PCDH11Y: variants seen among roughly 807,000 people sequenced by gnomAD.
PCDH11Y encodes the protein protocadherin-11 Y-linked.
For missense variants in PCDH11Y, 12 were observed against 224.8 expected, an observed-to-expected ratio of 0.05 and a Z score of 6.05; for synonymous variants, 9 against 83.6, an observed-to-expected ratio of 0.11 and a Z score of 4.87.
intron 4 of PCDH11Y, among the ~76,000 whole-genome samples, chrY:5,724,790 G>C (rs2556823): frequency 3.0e-5 from 1 of 33,671 alleles, no homozygotes; most frequent in East Asian, 7.9e-4. Context: ...ATAAAATGCT[G>C]AGAAATAAAT....
chrY:5,127,034 T>A, intron 2 of PCDH11Y, among the ~76,000 whole-genome samples: 3 of 32,302 alleles, frequency 9.3e-5, no homozygotes, highest in Non-Finnish European at 1.5e-4. Flanking sequence ...GTTTTAGACA[T>A]TTCATTTACA....
chrY:5,171,787 G>A (rs2571813), intron 2 of PCDH11Y, among the ~76,000 whole-genome samples: 1 of 33,042 alleles, frequency 3.0e-5, no homozygotes, highest in Non-Finnish European at 7.5e-5. Context: ...AGCAAAAGAA[G>A]AATTTGTGTT....
intron 2 of PCDH11Y, among the ~76,000 whole-genome samples, chrY:5,342,536 G>A (rs2053146611): frequency 3.0e-5 from 1 of 33,387 alleles, no homozygotes. Flanking sequence ...AATTAGAGCC[G>A]GGCTGTATAA....
At chrY:5,241,196 G>T in intron 2 of PCDH11Y, among the ~76,000 whole-genome samples, 7 of 31,203 alleles carry the variant, frequency 2.2e-4, no homozygotes, top group Non-Finnish European at 3.8e-4. Flanking sequence ...ATTGAAGAGT[G>T]TTAGGAACTT....
chrY:5,687,831 A>G, intron 4 of PCDH11Y, among the ~76,000 whole-genome samples: 1 of 32,541 alleles, frequency 3.1e-5, no homozygotes, highest in African/African-American at 1.2e-4. Context: ...TTCGAAGGCT[A>G]TATTTAAATA....
chrY:5,394,318 G>C, intron 2 of PCDH11Y, among the ~76,000 whole-genome samples: 1 of 34,828 alleles, frequency 2.9e-5, no homozygotes, highest in Non-Finnish European at 7.2e-5. Flanking sequence ...GACAAAACCC[G>C]AGGATTTTAA....
intron 4 of PCDH11Y, among the ~76,000 whole-genome samples, chrY:5,693,238 T>C: frequency 8.0e-5 from 2 of 25,049 alleles, no homozygotes; most frequent in African/African-American, 1.5e-4. Context: ...CTTTGTGAGA[T>C]AGGAATCCTT....
chrY:5,117,565 T>C (rs1602870707), intron 2 of PCDH11Y, among the ~76,000 whole-genome samples: 1 of 32,245 alleles, frequency 3.1e-5, no homozygotes, highest in African/African-American at 1.2e-4. Flanking sequence ...ATCAAAACTA[T>C]GGATTCTCTC....
At chrY:5,096,438 CGTGTGTGTGTGTGTGT>C (rs367616063) in intron 1 of PCDH11Y, among the ~76,000 whole-genome samples, 2 of 19,761 alleles carry the variant, frequency 1.0e-4, no homozygotes, top group African/African-American at 3.9e-4. Context: ...TTTAGATGTA[CGTGTGTGTGTGTGTGT>C]GTGTGTGTGT....
At chrY:5,293,586 G>C in intron 2 of PCDH11Y, among the ~76,000 whole-genome samples, 2 of 32,241 alleles carry the variant, frequency 6.2e-5, no homozygotes, top group African/African-American at 1.2e-4. Flanking sequence ...AGTTCCATTT[G>C]TTCTACTATG....
chrY:5,455,831 G>A (rs2053297605), intron 2 of PCDH11Y, among the ~76,000 whole-genome samples: 2 of 32,972 alleles, frequency 6.1e-5, no homozygotes, highest in Admixed American at 5.6e-4. Flanking sequence ...TTCGTGAGTC[G>A]TCCAACTCCA....
intron 3 of PCDH11Y, among the ~76,000 whole-genome samples, chrY:5,572,073 T>G: frequency 3.0e-5 from 1 of 33,269 alleles, no homozygotes; most frequent in Admixed American, 2.7e-4. Flanking sequence ...TTCAAATTTT[T>G]TTTTAGCTGC....
intron 2 of PCDH11Y, among the ~76,000 whole-genome samples, chrY:5,160,228 T>C (rs2124644390): frequency 3.5e-5 from 1 of 28,756 alleles, no homozygotes; most frequent in Non-Finnish European, 8.2e-5. Flanking sequence ...AAAATATTTA[T>C]ATGATTTTAG....
intron 2 of PCDH11Y, among the ~76,000 whole-genome samples, chrY:5,368,040 C>T: frequency 3.1e-5 from 1 of 32,000 alleles, no homozygotes; most frequent in Admixed American, 2.9e-4. Context: ...GTGGCACATG[C>T]CTGTAGTTTT....
intron 2 of PCDH11Y, among the ~76,000 whole-genome samples, chrY:5,455,515 A>T: frequency 3.0e-5 from 1 of 33,499 alleles, no homozygotes; most frequent in Non-Finnish European, 7.3e-5. Flanking sequence ...AAAAATACCA[A>T]ATTTTTGTAT....
intron 2 of PCDH11Y, among the ~76,000 whole-genome samples, chrY:5,141,968 A>G (rs569790582): frequency 2.6e-3 from 61 of 23,519 alleles, no homozygotes; most frequent in South Asian, 0.01. Context: ...ACCATCAGAG[A>G]GAACAGGCAA....
At chrY:5,682,839 C>T in intron 4 of PCDH11Y, among the ~76,000 whole-genome samples, 1 of 32,448 alleles carries the variant, frequency 3.1e-5, no homozygotes, top group Non-Finnish European at 7.5e-5. Flanking sequence ...AAGACATTCC[C>T]AGACAAACAA....
chrY:5,046,646 G>C, intron 3 of PCDH11Y, among the ~76,000 whole-genome samples: 1 of 34,200 alleles, frequency 2.9e-5, no homozygotes, highest in Non-Finnish European at 7.4e-5. Context: ...CCACCCAGTT[G>C]GAGCTTCCGG....
chrY:5,503,463 G>A, intron 3 of PCDH11Y, among the ~76,000 whole-genome samples: 1 of 32,777 alleles, frequency 3.1e-5, no homozygotes, highest in Admixed American at 2.8e-4. Context: ...ATTGTTAAGC[G>A]AATGTTTAAA....
Sources: gnomAD v4.1 joint callset for allele counts (sites outside exome capture counted in the v4.1 genomes callset) on GRCh38, gnomAD v4.1.1 for gene constraint, MANE v1.5 for transcripts, NCBI Gene and HGNC (gene_info 2026-07-23, HGNC 2026-07-21) for gene names.